DMAP1: variants seen among roughly 807,000 people sequenced by gnomAD.
DMAP1 encodes DNA methyltransferase 1-associated protein 1.
Under a neutral mutation model 52.7 loss-of-function variants are expected in DMAP1, and 26 were observed. The ratio of observed to expected loss-of-function variants is 0.49; its 90% CI spans 0.36 to 0.68. The LOEUF is 0.68. DMAP1 is among the 30% of genes least tolerant of loss of function. The pLI, the probability that DMAP1 is intolerant of heterozygous loss-of-function variation, is 0.00. For synonymous variants in DMAP1, 231 were observed against 246.0 expected, an observed-to-expected ratio of 0.94 and a Z score of 0.57; for missense variants, 439 against 625.2, an observed-to-expected ratio of 0.70 and a Z score of 3.18.
At chr1:44,215,019 C>G in intron 3 of DMAP1, 121 bp downstream of exon 3, 1 of 1,148,354 alleles carries the variant, frequency 8.7e-7, no homozygotes, top group Non-Finnish European at 1.3e-6. Flanking sequence ...TGTGATTACC[C>G]ACTCAATCCT....
At position 44,220,431 on chromosome 1, in the gene DMAP1, T is replaced by G. The variant is rs1420646785; in HGVS notation, c.1344+122T>G. 3.2e-6 allele frequency: 5 copies of G among 1,568,358 alleles called. No individual in the cohort carries two copies. The African/African-American group carries it at 5.4e-5, about 17-fold the overall frequency. On this transcript the variant is annotated intron_variant, in intron 9 of 9. Coordinates refer to ENST00000372289, the MANE Select transcript of DMAP1 (RefSeq NM_019100.5). ...GGAACGATCATCACTTCTGTGCGAG[T>G]CTGAGACTGAGGGTAGGAGTGGGTT...
chr1:44,220,570 G>A lies in DMAP1; in HGVS notation c.1356G>A (p.Arg452=), dbSNP rs1340943394. The A allele has an allele frequency of 9.9e-6, 16 of 1,614,098 alleles. No homozygotes were observed. The highest frequency in any genetic ancestry group is 2.7e-5 in the African/African-American group (2 of 74,936). Residue 452 remains arginine (R), a synonymous_variant, in exon 10 of 10, where the codon CGG becomes CGA. Transcript: ENST00000372289. ...CTGTGTATCCTCAGAGAAAGCGACG[G>A]GAGTCGGCCTCCAGCTCATCTTCCG... ...APLTPNSRKR[R]ESASSSSSVK... is the part of the protein sequence containing the mutation.
In DMAP1 at chr1:44,219,452, C is replaced by T; in HGVS notation, c.953C>T (p.Ala318Val). Residue 318 changes from alanine (A) to valine (V), a missense_variant, in exon 7 of 10, where the codon GCA becomes GTA. This residue lies in a region of DMAP1 where 179 missense variants were observed against 285.9 expected (regional missense o/e 0.63). Transcript: ENST00000372289. ...ATCAAGTTTCCAGACTTCAAGTCTGCAGGTGTCACGCTGCGGAGCCAACGG... is the reference window on the plus strand; with the variant it reads ...ATCAAGTTTCCAGACTTCAAGTCTGTAGGTGTCACGCTGCGGAGCCAACGG... ...AGIKFPDFKS[A>V]GVTLRSQRMK... The T allele has an allele frequency of 6.3e-7, 1 of 1,593,084 alleles. No individual in the cohort carries two copies. Among genetic ancestry groups the T allele is most frequent in the Non-Finnish European group, 8.5e-7 (1 of 1,171,932 alleles).
intron 7 of DMAP1, 45 bp from the exon 8 acceptor site, chr1:44,219,761 C>A: frequency 6.2e-7 from 1 of 1,609,108 alleles, no homozygotes; most frequent in Non-Finnish European, 8.5e-7. Flanking sequence ...TCATCCTAAG[C>A]CTCTTGTGGC....
chr1:44,216,664 A>C (rs964427007), intron 3 of DMAP1: 6 of 152,252 alleles, frequency 3.9e-5, no homozygotes, highest in African/African-American at 1.4e-4. Context: ...TGAGAAAGTT[A>C]CCTAGGTAGA....
Position 44,219,684 on chromosome 1 carries a change from G to A in DMAP1, c.979-122G>A. ...AGCTTCCTGGCTATTTCCTTTTCTG[G>A]CCCATAGTTAACCTCCATGTGTTAC... is the stretch of plus-strand genomic sequence containing the variant. On this transcript the variant is annotated intron_variant, in intron 7 of 9. Coordinates refer to ENST00000372289, the MANE Select transcript of DMAP1 (RefSeq NM_019100.5). The A allele has an allele frequency of 2.3e-6, 3 of 1,300,116 alleles. No individual in the cohort carries two copies. The South Asian group carries it at 4.0e-5, about 17-fold the overall frequency. 80.5% of individuals were successfully genotyped at this position (1,300,116 alleles called of 1,614,324 possible). A position where few individuals can be genotyped will look rare whatever the true frequency, so the allele number is the denominator to read the frequency against.
At position 44,218,556 on chromosome 1, in the gene DMAP1, T is replaced by C. The variant is rs968979370; in HGVS notation, c.553-32T>C. 1 of 1,608,066 alleles carries C rather than the reference T, an allele frequency of 6.2e-7. No homozygotes were observed. Among genetic ancestry groups the C allele is most frequent in the African/African-American group, 1.3e-5 (1 of 74,886 alleles). On this transcript the variant is annotated intron_variant, in intron 4 of 9. Transcript: ENST00000372289. This position sits in a 1 kb window ranked among gnomAD's most constrained non-coding sequence, Gnocchi z 5.6. ...GCCATCTCTTCCACATGCCCCTGAA[T>C]GTTCATTCCTCTACCCTGTCTTGCT...
At chr1:44,215,157 T>C (rs1237497300) in intron 3 of DMAP1, 2 of 618,288 alleles carry the variant, frequency 3.2e-6, no homozygotes, top group Non-Finnish European at 6.0e-6. Context: ...TCCTCAGAGC[T>C]GTATCCTAGG....
intron 3 of DMAP1, chr1:44,215,321 T>A (rs1046635770): frequency 4.4e-6 from 2 of 456,898 alleles, no homozygotes; most frequent in Admixed American, 2.3e-5. Flanking sequence ...TTACATCAGG[T>A]AGGTACCCTG....
chr1:44,220,639 C>T lies in DMAP1; in HGVS notation c.*21C>T, dbSNP rs758554343. On this transcript the variant is annotated 3_prime_UTR_variant, in exon 10 of 10. Coordinates refer to ENST00000372289, the MANE Select transcript of DMAP1 (RefSeq NM_019100.5). ...CGTGAGAGGCCCCACGGGGTGTGGG[C>T]GACGCTGTTATGTAAATAGAGCTGC... 43 of 1,614,046 alleles carry T rather than the reference C, an allele frequency of 2.7e-5. No individual in the cohort carries two copies. The highest frequency in any genetic ancestry group is 2.2e-4 in the Admixed American group (13 of 60,008).
rs767278967 is a variant in DMAP1 at position 44,218,398 on chromosome 1, T to C, written c.481T>C (p.Phe161Leu). Residue 161 changes from phenylalanine to leucine, a missense_variant, in exon 4 of 10, where the codon TTT becomes CTT. Transcript: ENST00000372289. The surrounding 1 kb of genome is among the most constrained non-coding windows in gnomAD (Gnocchi z 5.6). ...AWTKAETDHL[F>L]DLSRRFDLRF... ...GACTAAGGCAGAAACTGACCACCTC[T>C]TTGACCTCAGCCGCCGCTTTGACCT... 6.2e-7 allele frequency: 1 copy of C among 1,614,262 alleles called. No homozygotes were observed. The highest frequency in any genetic ancestry group is 8.5e-7 in the Non-Finnish European group (1 of 1,180,044).
chr1:44,220,212 C>G lies in DMAP1; in HGVS notation c.1247C>G (p.Pro416Arg). 1.3e-6 allele frequency: 2 copies of G among 1,595,164 alleles called. No homozygotes were observed. Residue 416 changes from proline (P) to arginine (R), a missense_variant, in exon 9 of 10, where the codon CCG (proline) becomes CGG (arginine). Around this residue, in one of 3 missense-constraint regions of DMAP1, gnomAD observed 179 missense variants for 285.9 expected, o/e 0.63. Transcript: ENST00000372289. ...GPATPASGPG[P>R]ASAEPAVTEP... Reference sequence around the variant, plus strand: ...GCCACACCAGCATCAGGCCCAGGCCCGGCCTCTGCTGAGCCGGCAGTGACT... The same window carrying G: ...GCCACACCAGCATCAGGCCCAGGCCGGGCCTCTGCTGAGCCGGCAGTGACT...
In DMAP1 at chr1:44,213,637, C is replaced by G; in HGVS notation, c.-117C>G. 1 of 875,154 alleles carries G rather than the reference C, an allele frequency of 1.1e-6. No homozygotes were observed. The allele number at this position is 875,154 out of a possible 1,614,324, so 54.2% of individuals were successfully genotyped here. On this transcript the variant is annotated 5_prime_UTR_variant, in exon 1 of 10. Transcript: ENST00000372289. This position sits in a 1 kb window ranked among gnomAD's most constrained non-coding sequence, Gnocchi z 4.5. ...CTGGACCACCCTTCTCCTCTTGGCC[C>G]GCCCCTTCAACTCGCCTCCGCTTAG...
chr1:44,219,673 T>C, intron 7 of DMAP1, 133 bp from the exon 8 acceptor site: 2 of 1,264,354 alleles, frequency 1.6e-6, no homozygotes, highest in Non-Finnish European at 1.1e-6. Context: ...TCCTGGCTAT[T>C]TCCTTTTCTG....
rs192410775 is a variant in DMAP1 at position 44,218,706 on chromosome 1, G to A, written c.671G>A (p.Arg224Gln). ...CCAGTATTTGATGCTGGGCACGAAC[G>A]ACGGCGGAAGGAACAGCTTGAGCGT... ...KIPVFDAGHE[R>Q]RRKEQLERLY... is the part of the protein sequence containing the mutation. Residue 224 changes from arginine to glutamine, a missense_variant, in exon 5 of 10, where the codon CGA becomes CAA. By Grantham distance (43) the Arg-to-Gln change is conservative. This residue lies in a region of DMAP1 where 142 missense variants were observed against 149.5 expected (regional missense o/e 0.95). Coordinates refer to ENST00000372289, the MANE Select transcript of DMAP1 (RefSeq NM_019100.5). This position sits in a 1 kb window ranked among gnomAD's most constrained non-coding sequence, Gnocchi z 5.6. The A allele has an allele frequency of 7.4e-6, 12 of 1,613,736 alleles. No homozygotes were observed. Among genetic ancestry groups the A allele is most frequent in the East Asian group, 2.2e-5 (1 of 44,864 alleles).
Position 44,218,695 on chromosome 1 carries a change from T to G in DMAP1, c.660T>G (p.Ala220=). 2.5e-6 allele frequency: 4 copies of G among 1,613,886 alleles called. No individual in the cohort carries two copies. The highest frequency in any genetic ancestry group is 3.4e-6 in the Non-Finnish European group (4 of 1,179,836). The part of the protein sequence containing the change: ...GTDLKIPVFD[A]GHERRRKEQL... ...ACCTTAAGATACCAGTATTTGATGCTGGGCACGAACGACGGCGGAAGGAAC... is the reference window on the plus strand; with the variant it reads ...ACCTTAAGATACCAGTATTTGATGCGGGGCACGAACGACGGCGGAAGGAAC... The change falls in exon 5 of 10, where the codon GCT becomes GCG. Residue 220 remains alanine (A), a synonymous_variant. Transcript: ENST00000372289. This position sits in a 1 kb window ranked among gnomAD's most constrained non-coding sequence, Gnocchi z 5.6.
rs892222427 is a variant in DMAP1 at position 44,214,854 on chromosome 1, G to A, written c.349G>A (p.Ala117Thr). Residue 117 changes from alanine to threonine, a missense_variant, in exon 3 of 10, where the codon GCA (alanine) becomes ACA (threonine). By Grantham distance (58) the Ala-to-Thr change is moderately conservative (BLOSUM62 0). Transcript: ENST00000372289. The stretch of plus-strand genomic sequence containing the variant: ...AGCAATGTTCTTCCACTGGCGACGT[G>A]CAGCGGAGGAGGGCAAGGACTACCC... Reference protein sequence around the residue: ...DGAMFFHWRRAAEEGKDYPFA... With the variant: ...DGAMFFHWRRTAEEGKDYPFA... 1.9e-6 allele frequency: 3 copies of A among 1,614,082 alleles called. No homozygotes were observed. Among genetic ancestry groups the A allele is most frequent in the Admixed American group, 1.7e-5 (1 of 60,012 alleles).
Position 44,213,858 on chromosome 1 carries a change from G to A in DMAP1, c.105G>A (p.Lys35=). 1 of 1,578,480 alleles carries A rather than the reference G, an allele frequency of 6.3e-7. No homozygotes were observed. Among genetic ancestry groups the A allele is most frequent in the South Asian group, 1.2e-5 (1 of 85,792 alleles). ...AGAAGGACATTATCAACCCGGACAA[G>A]GTAGCAGGGGCACCTGAAAGCGTTG... is the stretch of plus-strand genomic sequence containing the variant. ...ISKKDIINPD[K]KKSKKSSETL... Residue 35 remains lysine, a splice_region_variant and synonymous_variant, in exon 1 of 10, where the codon AAG becomes AAA. Coordinates refer to ENST00000372289, the MANE Select transcript of DMAP1 (RefSeq NM_019100.5). The surrounding 1 kb of genome is among the most constrained non-coding windows in gnomAD (Gnocchi z 4.5).
At position 44,220,583 on chromosome 1, in the gene DMAP1, A is replaced by G; in HGVS notation, c.1369A>G (p.Ser457Gly). The change falls in exon 10 of 10, where the codon AGC becomes GGC. Residue 457 changes from serine to glycine, a missense_variant. Physicochemically the swap from Ser to Gly is moderately conservative, Grantham distance 56 (BLOSUM62 0). Around this residue, in one of 3 missense-constraint regions of DMAP1, gnomAD observed 179 missense variants for 285.9 expected, o/e 0.63. Coordinates refer to ENST00000372289, the MANE Select transcript of DMAP1 (RefSeq NM_019100.5). ...GAGAAAGCGACGGGAGTCGGCCTCC[A>G]GCTCATCTTCCGTGAAGAAAGCCAA... ...NSRKRRESAS[S>G]SSSVKKAKKP The G allele has an allele frequency of 6.2e-7, 1 of 1,614,246 alleles. No homozygotes were observed.
Sources: allele counts gnomAD v4.1 joint callset, GRCh38; gene constraint gnomAD v4.1.1; regional missense constraint gnomAD v4.1.1; non-coding constraint Gnocchi (gnomAD v3.1); transcripts MANE v1.5; gene names NCBI Gene and HGNC (gene_info 2026-07-23, HGNC 2026-07-21).